TFPI: variants seen among roughly 807,000 people sequenced by gnomAD.
The protein encoded by TFPI is tissue factor pathway inhibitor.
In TFPI, 15 loss-of-function variants were observed where a neutral mutation model predicts 34.6. That is an observed-to-expected ratio of 0.43 (90% CI 0.29 to 0.67). TFPI has a LOEUF of 0.67. Ranked by LOEUF, TFPI falls within the 30% of genes least tolerant of loss-of-function variation. The pLI, the probability that TFPI is intolerant of heterozygous loss-of-function variation, is 0.15. For missense variants in TFPI, 301 were observed against 364.0 expected (o/e 0.83, Z 1.41); for synonymous variants, 105 against 120.1 (o/e 0.87, Z 0.82).
chr2:187,515,834 GACC>G (rs1428973214), intron 1 of TFPI: 3 of 152,268 alleles, frequency 2.0e-5, no homozygotes, highest in African/African-American at 7.2e-5. Context: ...CCCTGGAAGT[GACC>G]AGCCTGATGT....
intron 4 of TFPI, among the ~76,000 whole-genome samples, chr2:187,486,870 G>A (rs548487211): frequency 1.6e-4 from 24 of 151,608 alleles, no homozygotes; most frequent in African/African-American, 5.3e-4. Flanking sequence ...TTCTTTCTAA[G>A]GGATTGTATT....
rs1237277957 is a variant in TFPI, at chr2:187,466,988, T to C, written c.863A>G (p.Lys288Arg). The stretch of plus-strand genomic sequence containing the variant: ...ATATGCTATTTTCACTCTCTGCTTC[T>C]TTCTTTTTCTTTTGGTTTTAATTAG... ...GGLIKTKRKR[K>R]KQRVKIAYEE... Residue 288 changes from lysine to arginine, a missense_variant, in exon 8 of 8, where the codon AAG becomes AGG. Transcript: ENST00000233156. 4 of 1,591,314 alleles carry C rather than the reference T, an allele frequency of 2.5e-6. No homozygotes were observed. In the African/African-American group the frequency reaches 4.0e-5, roughly 16 times the overall value.
intron 1 of TFPI, among the ~76,000 whole-genome samples, chr2:187,542,790 C>G (rs905286309): frequency 1.6e-4 from 24 of 150,976 alleles, no homozygotes; most frequent in African/African-American, 5.6e-4. Context: ...TTGCTTGAAC[C>G]CGGGAGATGG....
chr2:187,526,138 T>G (rs930738999), intron 1 of TFPI, among the ~76,000 whole-genome samples: 24 of 152,166 alleles, frequency 1.6e-4, no homozygotes, highest in Non-Finnish European at 3.5e-4. Context: ...AGAAGCTCAG[T>G]ATTTATAGAT....
At chr2:187,477,637 C>G (rs941475816) in intron 6 of TFPI, among the ~76,000 whole-genome samples, 3 of 152,104 alleles carry the variant, frequency 2.0e-5, no homozygotes, top group Non-Finnish European at 4.4e-5. Context: ...GAGATAATAA[C>G]AAGGAGATAA....
At chr2:187,499,082 A>G (rs1425077276) in intron 2 of TFPI, among the ~76,000 whole-genome samples, 1 of 152,038 alleles carries the variant, frequency 6.6e-6, no homozygotes, top group Non-Finnish European at 1.5e-5. Flanking sequence ...AAGTGAGTTA[A>G]GAAATATTGG....
intron 1 of TFPI, among the ~76,000 whole-genome samples, chr2:187,524,652 C>T (rs571493340): frequency 6.6e-6 from 1 of 151,860 alleles, no homozygotes; most frequent in Non-Finnish European, 1.5e-5. Flanking sequence ...CCAATTCCAC[C>T]AAAAAATAAA....
At chr2:187,471,744 G>T (rs571512535) in intron 6 of TFPI, among the ~76,000 whole-genome samples, 1 of 151,850 alleles carries the variant, frequency 6.6e-6, no homozygotes, top group East Asian at 1.9e-4. Context: ...TACAGGTAAA[G>T]TTGTTAATGT....
chr2:187,514,546 C>T (rs71432491), intron 1 of TFPI: 3 of 152,184 alleles, frequency 2.0e-5, no homozygotes, highest in Non-Finnish European at 2.9e-5. Context: ...CCTTGGAGAC[C>T]TGAAGGGATG....
At chr2:187,478,949 G>A (rs1273060893) in intron 6 of TFPI, 6 of 598,656 alleles carry the variant, frequency 1.0e-5, no homozygotes, top group Non-Finnish European at 1.7e-5. Flanking sequence ...TAGACAGTGA[G>A]GCAGAGCAAA....
In TFPI at chr2:187,465,507, A is replaced by C. The variant is rs552509818; in HGVS notation, c.*1429T>G. The C allele has an allele frequency of 4.5e-5, 6 of 133,168 alleles. No individual in the cohort carries two copies. The highest frequency in any genetic ancestry group is 2.1e-4 in the East Asian group (1 of 4,850). The allele number at this position is 133,168 out of a possible 1,614,324, so 8.2% of individuals were successfully genotyped here. A position where few individuals can be genotyped will look rare whatever the true frequency, so the allele number is the denominator to read the frequency against. ...AAAACAAAATGAAAAAAAAAAAAAA[A>C]CAAGAAAAAAGAAAAGAAAAAGAAA... On this transcript the variant is annotated 3_prime_UTR_variant, in exon 8 of 8. Coordinates refer to ENST00000233156, the MANE Select transcript of TFPI (RefSeq NM_006287.6).
chr2:187,479,680 T>C lies in TFPI; in HGVS notation c.628+4444A>G, dbSNP rs564992588. Among the ~76,000 whole-genome samples, 6 of 150,366 alleles carry C rather than the reference T, an allele frequency of 4.0e-5. No individual in the cohort carries two copies. In the East Asian group the frequency reaches 1.2e-3, roughly 29 times the overall value. On this transcript the variant is annotated intron_variant, in intron 6 of 7. Transcript: ENST00000233156. Reference sequence around the variant, plus strand: ...TTCCATTTTTAAGTCAATGCATACATATATTTAAAATAGACATATACCTTA... The same window carrying C: ...TTCCATTTTTAAGTCAATGCATACACATATTTAAAATAGACATATACCTTA...
intron 1 of TFPI, among the ~76,000 whole-genome samples, chr2:187,545,128 A>C (rs1006853698): frequency 1.3e-5 from 2 of 152,186 alleles, no homozygotes; most frequent in African/African-American, 4.8e-5. Context: ...AGAAAAAAGA[A>C]AAAGAAAAAT....
At chr2:187,514,229 G>A (rs1321223438) in intron 1 of TFPI, 1 of 152,206 alleles carries the variant, frequency 6.6e-6, no homozygotes, top group Admixed American at 6.5e-5. Flanking sequence ...CAAATGCCTG[G>A]TTGGAATGGA....
At chr2:187,524,283 G>A (rs376365859) in intron 1 of TFPI, among the ~76,000 whole-genome samples, 4 of 151,978 alleles carry the variant, frequency 2.6e-5, no homozygotes, top group African/African-American at 9.7e-5. Flanking sequence ...TAAAATTCTT[G>A]AATCACATGG....
At chr2:187,476,179 GT>G (rs1692359920) in intron 6 of TFPI, among the ~76,000 whole-genome samples, 1 of 152,016 alleles carries the variant, frequency 6.6e-6, no homozygotes, top group Non-Finnish European at 1.5e-5. Context: ...ATCTGCACTG[GT>G]CACTCAGATC....
chr2:187,520,921 T>C (rs1687335015), intron 1 of TFPI, among the ~76,000 whole-genome samples: 1 of 152,078 alleles, frequency 6.6e-6, no homozygotes, highest in Non-Finnish European at 1.5e-5. Context: ...GATAGCTCCA[T>C]CAATATGAGT....
Position 187,502,525 on chromosome 2 carries a change from A to T in TFPI, c.121+1123T>A, listed in dbSNP as rs538142274. Among the ~76,000 whole-genome samples, 10 of 152,286 alleles carry T rather than the reference A, an allele frequency of 6.6e-5. 1 individual carries two copies. In the Middle Eastern group the frequency reaches 0.027, roughly 414 times the overall value. ...AGGGATTGAAACTCATAATGTTCAA[A>T]TTCTTATTTTCAAAAAGGTACATTA... On this transcript the variant is annotated intron_variant, in intron 2 of 7. Coordinates refer to ENST00000233156, the MANE Select transcript of TFPI (RefSeq NM_006287.6).
rs1489150132 is a variant in TFPI at position 187,465,517 on chromosome 2, A to G, written c.*1419T>C. On this transcript the variant is annotated 3_prime_UTR_variant, in exon 8 of 8. Transcript: ENST00000233156. ...GAAAAAAAAAAAAAAACAAGAAAAA[A>G]GAAAAGAAAAAGAAAAAAGTAAAAA... 6 of 150,682 alleles carry G rather than the reference A, an allele frequency of 4.0e-5. No individual in the cohort carries two copies. Among genetic ancestry groups the G allele is most frequent in the Admixed American group, 3.3e-4 (5 of 15,124 alleles). The allele number at this position is 150,682 out of a possible 1,614,324, so 9.3% of individuals were successfully genotyped here. A position where few individuals can be genotyped will look rare whatever the true frequency, so the allele number is the denominator to read the frequency against.
Sources: allele counts gnomAD v4.1 joint callset (sites outside exome capture counted in the v4.1 genomes callset), GRCh38; gene constraint gnomAD v4.1.1; transcripts MANE v1.5; gene names NCBI Gene and HGNC (gene_info 2026-07-23, HGNC 2026-07-21).